The following ZNF235 variants were observed in gnomAD, a reference collection of about 807,000 sequenced individuals.
ZNF235 encodes zinc finger protein 235.
Under a neutral mutation model 29.4 loss-of-function variants are expected in ZNF235, and 25 were observed. The observed-to-expected ratio is 0.85, with a 90% confidence interval of 0.62 to 1.19. ZNF235 has a LOEUF of 1.19. Among genes scored for constraint, ZNF235 ranks in the 50% most tolerant of loss-of-function variants. The pLI, the probability that ZNF235 is intolerant of heterozygous loss-of-function variation, is 0.00. For missense variants in ZNF235, 788 were observed against 885.0 expected, an observed-to-expected ratio of 0.89 and a Z score of 1.39; for synonymous variants, 300 against 295.3, an observed-to-expected ratio of 1.02 and a Z score of -0.16.
At chr19:44,298,288 C>T (rs1026394155) in intron 4 of ZNF235, among the ~76,000 whole-genome samples, 2 of 152,052 alleles carry the variant, frequency 1.3e-5, no homozygotes, top group African/African-American at 4.8e-5. Context: ...AATAGGCAAA[C>T]ATTATACAGC....
chr19:44,287,694 TGA>T lies in ZNF235; in HGVS notation c.1739_1740del (p.Phe580Ter). ...TGGGCTTGAAGATTTGAAGCCTGAC[TGA>T]AACCCTTACCACACTCTTCACATTT... ...PYKCEECGKG[F>X]SQASNLQAHQ... On this transcript the variant is annotated frameshift_variant, in exon 5 of 5. Coordinates refer to ENST00000291182, the MANE Select transcript of ZNF235 (RefSeq NM_004234.4). LOFTEE classifies it high-confidence loss of function. The T allele has an allele frequency of 6.2e-7, 1 of 1,614,122 alleles. No homozygotes were observed. Among genetic ancestry groups the T allele is most frequent in the Non-Finnish European group, 8.5e-7 (1 of 1,179,994 alleles).
At chr19:44,299,573 C>G (rs774443911) in intron 3 of ZNF235, 33 bp downstream of exon 3, 1 of 1,611,390 alleles carries the variant, frequency 6.2e-7, no homozygotes, top group South Asian at 1.1e-5. Context: ...GGTTGAGAAA[C>G]CCTGCTGAAT....
At chr19:44,304,926 G>A in intron 1 of ZNF235, 45 bp downstream of exon 1, 1 of 985,476 alleles carries the variant, frequency 1.0e-6, no homozygotes, top group Middle Eastern at 5.2e-4. Flanking sequence ...CCACGCCTAG[G>A]CAAAGAGGGC....
Position 44,286,755 on chromosome 19 carries a change from T to C in ZNF235, c.*463A>G, listed in dbSNP as rs148517881. On this transcript the variant is annotated 3_prime_UTR_variant, in exon 5 of 5. Transcript: ENST00000291182. ...ATTTGTCCTAATTATAGGTATTTTC[T>C]TCACTTTCTTCAGTAATTGCTGGGC... 201 of 153,280 alleles carry C rather than the reference T, an allele frequency of 1.3e-3. No individual in the cohort carries two copies. Among genetic ancestry groups the C allele is most frequent in the Middle Eastern group, 6.8e-3 (2 of 296 alleles). 9.5% of individuals were successfully genotyped at this position (153,280 alleles called of 1,614,324 possible). A position where few individuals can be genotyped will look rare whatever the true frequency, so the allele number is the denominator to read the frequency against.
rs1975691695 is a variant in ZNF235 at position 44,298,883 on chromosome 19, C to G, written c.163G>C (p.Asp55His). ...VSVGHQSFKP[D>H]MISQLEREEK... ...TCCCTCTCCAACTGGGATATCATATCTGGTTTGAAGGACTGATGTCCTATA... is the reference window on the plus strand; with the variant it reads ...TCCCTCTCCAACTGGGATATCATATGTGGTTTGAAGGACTGATGTCCTATA... The change falls in exon 4 of 5, where the codon GAT becomes CAT. Residue 55 changes from aspartate (D) to histidine (H), a missense_variant. Transcript: ENST00000291182. 2.5e-6 allele frequency: 4 copies of G among 1,613,746 alleles called. No homozygotes were observed. The highest frequency in any genetic ancestry group is 3.4e-6 in the Non-Finnish European group (4 of 1,179,702).
At chr19:44,296,129 T>C (rs768097675) in intron 4 of ZNF235, among the ~76,000 whole-genome samples, 3 of 152,182 alleles carry the variant, frequency 2.0e-5, no homozygotes, top group Non-Finnish European at 2.9e-5. Flanking sequence ...CCCATACTGA[T>C]TATAAAATGG....
chr19:44,302,671 CTT>C (rs1402476887), intron 2 of ZNF235, among the ~76,000 whole-genome samples: 1 of 150,860 alleles, frequency 6.6e-6, no homozygotes, highest in African/African-American at 2.4e-5. Context: ...GGGAGGATCT[CTT>C]GAGCCCAGGC....
At position 44,303,569 on chromosome 19, in the gene ZNF235, G is replaced by C. The variant is rs112223400; in HGVS notation, c.-48-117C>G. The C allele has an allele frequency of 5.3e-4, 436 of 822,402 alleles. 3 individuals carry two copies. The African/African-American group carries it at 7.0e-3, about 13-fold the overall frequency. The allele number at this position is 822,402 out of a possible 1,614,324, so 50.9% of individuals were successfully genotyped here. A position where few individuals can be genotyped will look rare whatever the true frequency, so the allele number is the denominator to read the frequency against. On this transcript the variant is annotated intron_variant, in intron 1 of 4. Coordinates refer to ENST00000291182, the MANE Select transcript of ZNF235 (RefSeq NM_004234.4). Reference sequence around the variant, plus strand: ...TCTCTAGGCAGACACAGTTGCACACGGCTTAGTGAGGAGAACGGGAGCTAG... The same window carrying C: ...TCTCTAGGCAGACACAGTTGCACACCGCTTAGTGAGGAGAACGGGAGCTAG...
chr19:44,288,566 G>A lies in ZNF235; in HGVS notation c.869C>T (p.Ser290Phe), dbSNP rs752199666. Reference protein sequence around the residue: ...LHKQVHLGKKSPACSTHEKDT... With the variant: ...LHKQVHLGKKFPACSTHEKDT... ...CTTCTCATGTGTACTACACGCTGGA[G>A]ACTTCTTTCCCAAGTGTACCTGTTT... is the stretch of plus-strand genomic sequence containing the variant. The change falls in exon 5 of 5, where the codon TCT becomes TTT. Residue 290 changes from serine (S) to phenylalanine (F), a missense_variant. Ser to Phe is a radical substitution (Grantham distance 155). Coordinates refer to ENST00000291182, the MANE Select transcript of ZNF235 (RefSeq NM_004234.4). 1.5e-5 allele frequency: 24 copies of A among 1,614,132 alleles called. No homozygotes were observed. Among genetic ancestry groups the A allele is most frequent in the Non-Finnish European group, 2.0e-5 (24 of 1,179,986 alleles).
chr19:44,304,025 C>T (rs1975794311), intron 1 of ZNF235, among the ~76,000 whole-genome samples: 1 of 152,138 alleles, frequency 6.6e-6, no homozygotes, highest in South Asian at 2.1e-4. Flanking sequence ...GTTACCATTA[C>T]CCTCAGAAAA....
chr19:44,289,019 G>T lies in ZNF235; in HGVS notation c.416C>A (p.Ser139Tyr). ...KSSQFPKHHD[S>Y]PCQVGAGESI... The stretch of plus-strand genomic sequence containing the variant: ...TTCTCCTGCTCCCACTTGACAGGGG[G>T]AATCATGGTGCTTGGGGAACTGAGA... The change falls in exon 5 of 5, where the codon TCC (serine) becomes TAC (tyrosine). Residue 139 changes from serine to tyrosine, a missense_variant. By Grantham distance (144) the Ser-to-Tyr change is moderately radical (BLOSUM62 -2). Coordinates refer to ENST00000291182, the MANE Select transcript of ZNF235 (RefSeq NM_004234.4). 1.2e-6 allele frequency: 2 copies of T among 1,614,144 alleles called. No individual in the cohort carries two copies. The highest frequency in any genetic ancestry group is 1.7e-6 in the Non-Finnish European group (2 of 1,180,016).
chr19:44,300,975 G>A (rs780912310), intron 2 of ZNF235, among the ~76,000 whole-genome samples: 11 of 151,332 alleles, frequency 7.3e-5, no homozygotes, highest in Non-Finnish European at 1.0e-4. Flanking sequence ...AAGTATTCCC[G>A]ATTCTCCATA....
chr19:44,287,665 C>T lies in ZNF235; in HGVS notation c.1770G>A (p.Gln590=). 1 of 1,613,956 alleles carries T rather than the reference C, an allele frequency of 6.2e-7. No homozygotes were observed. Among genetic ancestry groups the T allele is most frequent in the Non-Finnish European group, 8.5e-7 (1 of 1,179,886 alleles). ...ATGGTTTTTCCCCAGTGTGGACGCTCTGATGGGCTTGAAGATTTGAAGCCT... is the reference window on the plus strand; with the variant it reads ...ATGGTTTTTCCCCAGTGTGGACGCTTTGATGGGCTTGAAGATTTGAAGCCT... ...FSQASNLQAH[Q]SVHTGEKPFK... The change falls in exon 5 of 5, where the codon CAG becomes CAA. Residue 590 remains glutamine (Q), a synonymous_variant. Coordinates refer to ENST00000291182, the MANE Select transcript of ZNF235 (RefSeq NM_004234.4).
At chr19:44,303,334 C>T in intron 2 of ZNF235, 56 bp downstream of exon 2, 1 of 1,589,612 alleles carries the variant, frequency 6.3e-7, no homozygotes, top group African/African-American at 1.3e-5. Context: ...AAAATGTGTC[C>T]AATCTTTGTG....
Position 44,288,674 on chromosome 19 carries a change from C to G in ZNF235, c.761G>C (p.Arg254Pro), listed in dbSNP as rs779442276. 1 of 1,614,110 alleles carries G rather than the reference C, an allele frequency of 6.2e-7. No individual in the cohort carries two copies. Among genetic ancestry groups the G allele is most frequent in the African/African-American group, 1.3e-5 (1 of 75,054 alleles). The stretch of plus-strand genomic sequence containing the variant: ...GGTTTTCTGTCCTGTGTGAATACTA[C>G]GCTGGGTAAGAGGTGATACCTTTAG... The part of the protein sequence containing the change: ...DTLKVSPLTQ[R>P]SIHTGQKTYQ... Residue 254 changes from arginine to proline, a missense_variant, in exon 5 of 5, where the codon CGT (arginine) becomes CCT (proline). Arg to Pro is a moderately radical substitution (Grantham distance 103). Transcript: ENST00000291182.
chr19:44,297,138 C>T, intron 4 of ZNF235: 1 of 158,818 alleles, frequency 6.3e-6, no homozygotes. Context: ...TTCAGGAATG[C>T]CTGGGCCAAG....
In ZNF235 at chr19:44,303,424, G is replaced by A. The variant is rs1425845281; in HGVS notation, c.-20C>T. On this transcript the variant is annotated 5_prime_UTR_variant, in exon 2 of 5. Coordinates refer to ENST00000291182, the MANE Select transcript of ZNF235 (RefSeq NM_004234.4). Reference sequence around the variant, plus strand: ...GGTCATTTTTCCCCTCCTCCTTCTGGGAAAAGGCAGAGTTCCGGGGAAGTG... The same window carrying A: ...GGTCATTTTTCCCCTCCTCCTTCTGAGAAAAGGCAGAGTTCCGGGGAAGTG... 1.1e-5 allele frequency: 17 copies of A among 1,609,464 alleles called. No homozygotes were observed. The highest frequency in any genetic ancestry group is 1.4e-5 in the Non-Finnish European group (17 of 1,177,294).
intron 1 of ZNF235, among the ~76,000 whole-genome samples, chr19:44,304,122 G>A (rs1975795908): frequency 6.6e-6 from 1 of 152,062 alleles, no homozygotes; most frequent in Non-Finnish European, 1.5e-5. Flanking sequence ...TCCTCCAACA[G>A]ATGTAATTAC....
chr19:44,299,841 A>C, intron 2 of ZNF235, 109 bp from the exon 3 acceptor site: 1 of 1,556,856 alleles, frequency 6.4e-7, no homozygotes, highest in Non-Finnish European at 8.8e-7. Flanking sequence ...TCACACCAAA[A>C]ATGCTAGGGG....
Sources: gnomAD v4.1 joint callset for allele counts (sites outside exome capture counted in the v4.1 genomes callset) on GRCh38, gnomAD v4.1.1 for gene constraint, MANE v1.5 for transcripts, NCBI Gene and HGNC (gene_info 2026-07-23, HGNC 2026-07-21) for gene names.